KCNB2: variants seen among roughly 807,000 people sequenced by gnomAD.
The protein encoded by KCNB2 is delayed rectifier potassium channel protein.
In KCNB2, 15 loss-of-function variants were observed where a neutral mutation model predicts 61.5. That is an observed-to-expected ratio of 0.24 (90% CI 0.16 to 0.38). The LOEUF is 0.38. Among genes scored for constraint, KCNB2 ranks in the 10% least tolerant of loss-of-function variants. The probability of loss-of-function intolerance (pLI) is 1.00; values close to 1 mark genes in which losing one functional copy is unlikely to be tolerated. For missense variants in KCNB2, 828 were observed against 1,125.2 expected, an observed-to-expected ratio of 0.74 and a Z score of 3.78; for synonymous variants, 457 against 446.0, an observed-to-expected ratio of 1.02 and a Z score of -0.31.
At chr8:72,601,076 A>G (rs558217139) in intron 2 of KCNB2, among the ~76,000 whole-genome samples, 47 of 151,842 alleles carry the variant, frequency 3.1e-4, no homozygotes, top group African/African-American at 1.1e-3. Flanking sequence ...CTGTATTGCT[A>G]CCTGTAAAAA....
intron 2 of KCNB2, among the ~76,000 whole-genome samples, chr8:72,733,287 A>T (rs1412883926): frequency 6.6e-6 from 1 of 152,182 alleles, no homozygotes; most frequent in Non-Finnish European, 1.5e-5. Flanking sequence ...TTTAAAATAC[A>T]AGCCAACTAG....
intron 2 of KCNB2, among the ~76,000 whole-genome samples, chr8:72,574,203 C>T (rs957173143): frequency 1.1e-4 from 16 of 152,170 alleles, no homozygotes; most frequent in Admixed American, 7.9e-4. Flanking sequence ...TTAGCTGCAG[C>T]GATCCTATTT....
At chr8:72,560,677 T>C (rs1806497755) in intron 1 of KCNB2, among the ~76,000 whole-genome samples, 1 of 152,220 alleles carries the variant, frequency 6.6e-6, no homozygotes, top group African/African-American at 2.4e-5. Flanking sequence ...TGAATGTAGA[T>C]ATAAAAATTT....
At chr8:72,673,282 G>A (rs1481549819) in intron 2 of KCNB2, among the ~76,000 whole-genome samples, 5 of 152,142 alleles carry the variant, frequency 3.3e-5, no homozygotes, top group East Asian at 1.9e-4. Flanking sequence ...GGGAGGGACC[G>A]GGTGGAGATA....
chr8:72,778,196 G>A (rs1174874831), intron 2 of KCNB2, among the ~76,000 whole-genome samples: 1 of 152,142 alleles, frequency 6.6e-6, no homozygotes, highest in Non-Finnish European at 1.5e-5. Context: ...CCAGCCAACA[G>A]TTCTGCAGCT....
chr8:72,660,966 A>G (rs962781213), intron 2 of KCNB2: 1 of 152,174 alleles, frequency 6.6e-6, no homozygotes, highest in African/African-American at 2.4e-5. Context: ...CATTAAGTGC[A>G]TCCATTATTT....
rs199530102 is a variant in KCNB2 at position 72,937,525 on chromosome 8, G to T, written c.2170G>T (p.Gly724Cys). The T allele has an allele frequency of 6.2e-7, 1 of 1,613,824 alleles. No individual in the cohort carries two copies. Among genetic ancestry groups the T allele is most frequent in the Non-Finnish European group, 8.5e-7 (1 of 1,179,958 alleles). The change falls in exon 3 of 3, where the codon GGC becomes TGC. Residue 724 changes from glycine to cysteine, a missense_variant. This residue lies in a region of KCNB2 where 559 missense variants were observed against 588.4 expected (regional missense o/e 0.95). Coordinates refer to ENST00000523207, the MANE Select transcript of KCNB2 (RefSeq NM_004770.3). Reference sequence around the variant, plus strand: ...CAAAGTGAACTTTAAGGAAAATAGAGGCAGTGCACCACAGACCCCGCCCAG... The same window carrying T: ...CAAAGTGAACTTTAAGGAAAATAGATGCAGTGCACCACAGACCCCGCCCAG... ...SLKVNFKENR[G>C]SAPQTPPSTA... is the part of the protein sequence containing the mutation.
At chr8:72,935,880 C>T in intron 2 of KCNB2, 55 bp from the exon 3 acceptor site, 2 of 1,257,826 alleles carry the variant, frequency 1.6e-6, no homozygotes, top group South Asian at 2.6e-5. Context: ...CATCTGTCTC[C>T]TAGCTGCCTA....
Position 72,867,640 on chromosome 8 carries a change from T to A in KCNB2, c.580-68295T>A, listed in dbSNP as rs568326015. ...AAGCTACATTTGTCATGAATATAAC[T>A]AGTGAGTTGAGACATTTTTTGCTCC... is the stretch of plus-strand genomic sequence containing the variant. On this transcript the variant is annotated intron_variant, in intron 2 of 2. Coordinates refer to ENST00000523207, the MANE Select transcript of KCNB2 (RefSeq NM_004770.3). Among the ~76,000 whole-genome samples, 7 of 152,324 alleles carry A rather than the reference T, an allele frequency of 4.6e-5. No homozygotes were observed. In the East Asian group the frequency reaches 1.2e-3, roughly 25 times the overall value.
At chr8:72,594,029 T>C (rs1437937477) in intron 2 of KCNB2, among the ~76,000 whole-genome samples, 2 of 152,174 alleles carry the variant, frequency 1.3e-5, no homozygotes, top group Non-Finnish European at 2.9e-5. Flanking sequence ...GATATTATGC[T>C]AGATACCGTA....
chr8:72,618,802 CTT>C, intron 2 of KCNB2: 1 of 223,774 alleles, frequency 4.5e-6, no homozygotes, highest in South Asian at 6.7e-5. Context: ...TCAATTTTCA[CTT>C]GAGCAAGAGA....
chr8:72,873,216 A>C lies in KCNB2; in HGVS notation c.580-62719A>C, dbSNP rs542406379. 4.6e-5 allele frequency among the ~76,000 whole-genome samples: 7 copies of C among 152,336 alleles called. No individual in the cohort carries two copies. In the South Asian group the frequency reaches 1.4e-3, roughly 32 times the overall value. On this transcript the variant is annotated intron_variant, in intron 2 of 2. Transcript: ENST00000523207. ...GAGTAAGCCAGAATGGCCAGCCTCC[A>C]CTGTAGTCATTTCCTCTTGTGCCGC...
intron 1 of KCNB2, among the ~76,000 whole-genome samples, chr8:72,560,205 C>T (rs1437464534): frequency 6.6e-6 from 1 of 152,186 alleles, no homozygotes; most frequent in Non-Finnish European, 1.5e-5. Context: ...TACTACTAAA[C>T]ATTTCAGACC....
chr8:72,759,408 G>T (rs1387957409), intron 2 of KCNB2, among the ~76,000 whole-genome samples: 3 of 152,166 alleles, frequency 2.0e-5, no homozygotes, highest in African/African-American at 4.8e-5. Flanking sequence ...AAAGGATCAT[G>T]CCTCCTATAG....
intron 2 of KCNB2, among the ~76,000 whole-genome samples, chr8:72,597,630 A>C (rs1289241066): frequency 1.3e-5 from 2 of 152,208 alleles, no homozygotes. Flanking sequence ...AGAGCATTTT[A>C]TTCATCAAAT....
chr8:72,931,472 A>G (rs1585983985), intron 2 of KCNB2, among the ~76,000 whole-genome samples: 1 of 152,052 alleles, frequency 6.6e-6, no homozygotes, highest in African/African-American at 2.4e-5. Flanking sequence ...CTTTTATTTT[A>G]TTGAGCAGTG....
At chr8:72,684,979 C>A (rs1387685594) in intron 2 of KCNB2, among the ~76,000 whole-genome samples, 1 of 152,142 alleles carries the variant, frequency 6.6e-6, no homozygotes, top group Non-Finnish European at 1.5e-5. Flanking sequence ...TATGTCAAAA[C>A]AAATTTAAGA....
intron 2 of KCNB2, among the ~76,000 whole-genome samples, chr8:72,600,671 G>T (rs943063195): frequency 6.6e-6 from 1 of 152,088 alleles, no homozygotes; most frequent in African/African-American, 2.4e-5. Flanking sequence ...AAAAGGATGA[G>T]ATCATGTCCT....
At position 72,937,570 on chromosome 8, in the gene KCNB2, G is replaced by C; in HGVS notation, c.2215G>C (p.Val739Leu). The C allele has an allele frequency of 6.2e-7, 1 of 1,613,986 alleles. No individual in the cohort carries two copies. The highest frequency in any genetic ancestry group is 1.3e-5 in the African/African-American group (1 of 74,998). Residue 739 changes from valine (V) to leucine (L), a missense_variant, in exon 3 of 3, where the codon GTC becomes CTC. Val to Leu is a conservative substitution (Grantham distance 32). Transcript: ENST00000523207. ...GCCCAGCACAGCCAGGCCACTGCCA[G>C]TCACCACAGCTGACTTTTCGCTCAC... ...TPPSTARPLP[V>L]TTADFSLTTP...
Sources: allele counts gnomAD v4.1 joint callset (sites outside exome capture counted in the v4.1 genomes callset), GRCh38; gene constraint gnomAD v4.1.1; regional missense constraint gnomAD v4.1.1; transcripts MANE v1.5; gene names NCBI Gene and HGNC (gene_info 2026-07-23, HGNC 2026-07-21).